SMG6: variants seen among roughly 807,000 people sequenced by gnomAD.
SMG6 encodes the protein SMG6 nonsense mediated mRNA decay factor, also known as telomerase-binding protein EST1A.
In SMG6, 66 loss-of-function variants were observed where a neutral mutation model predicts 142.2. The observed-to-expected ratio is 0.46, with a 90% CI of 0.38 to 0.57. SMG6 has a LOEUF of 0.57. Among genes scored for constraint, SMG6 ranks in the 20% least tolerant of loss-of-function variants. The pLI is 0.00. For synonymous variants in SMG6, 779 were observed against 702.4 expected (o/e 1.11, Z -1.72); for missense variants, 1,793 against 1,832.0 (o/e 0.98, Z 0.39).
rs145529862 is a variant in SMG6 at position 2,090,540 on chromosome 17, G to A, written c.3358-4639C>T. Among the ~76,000 whole-genome samples the A allele has an allele frequency of 4.5e-3, 683 of 152,314 alleles. 3 individuals are homozygous for A. Among genetic ancestry groups the A allele is most frequent in the Non-Finnish European group, 7.2e-3 (493 of 68,028 alleles). ...TAGGGAGTGAGGGACTCGCTCTATCGTTACCTGGTCCCCGTTTTCTCCAAA... is the reference window on the plus strand; with the variant it reads ...TAGGGAGTGAGGGACTCGCTCTATCATTACCTGGTCCCCGTTTTCTCCAAA... On this transcript the variant is annotated intron_variant, in intron 13 of 18. Coordinates refer to ENST00000263073, the MANE Select transcript of SMG6 (RefSeq NM_017575.5).
In SMG6 at chr17:2,299,184, C is replaced by T. The variant is rs147802850; in HGVS notation, c.1569G>A (p.Thr523=). Residue 523 remains threonine (T), a synonymous_variant, in exon 2 of 19, where the codon ACG becomes ACA. Coordinates refer to ENST00000263073, the MANE Select transcript of SMG6 (RefSeq NM_017575.5). This position sits in a 1 kb window ranked among gnomAD's most constrained non-coding sequence, Gnocchi z 4.3. ...TPGPASQYPY[T]GYNPLQYPVG... is the part of the protein sequence containing the mutation. ...CTGGGTACTGTAGAGGGTTATAGCC[C>T]GTATAGGGATACTGGGAGGCAGGGC... 997 of 1,613,130 alleles carry T rather than the reference C, an allele frequency of 6.2e-4. 2 individuals are homozygous for T. Among genetic ancestry groups the T allele is most frequent in the Non-Finnish European group, 7.4e-4 (877 of 1,179,550 alleles).
intron 10 of SMG6, among the ~76,000 whole-genome samples, chr17:2,234,559 G>A (rs929510889): frequency 2.6e-5 from 4 of 152,176 alleles, no homozygotes; most frequent in South Asian, 2.1e-4. Context: ...CACCGCACCC[G>A]GCCTACCATT....
intron 14 of SMG6, chr17:2,082,230 C>A (rs1567582837): frequency 5.0e-6 from 2 of 403,586 alleles, no homozygotes; most frequent in Non-Finnish European, 9.1e-6. Flanking sequence ...TATATACCTG[C>A]GTGCTTTACT....
At chr17:2,175,239 A>G (rs1340027409) in intron 12 of SMG6, among the ~76,000 whole-genome samples, 1 of 152,206 alleles carries the variant, frequency 6.6e-6, no homozygotes, top group Non-Finnish European at 1.5e-5. Flanking sequence ...GACGACAGTG[A>G]GAAGGAAGAA....
At chr17:2,160,550 C>G (rs1011152862) in intron 13 of SMG6, among the ~76,000 whole-genome samples, 2 of 152,280 alleles carry the variant, frequency 1.3e-5, no homozygotes, top group African/African-American at 4.8e-5. Flanking sequence ...AAATTATGGG[C>G]TGGGTACAGT....
intron 13 of SMG6, among the ~76,000 whole-genome samples, chr17:2,161,022 A>G (rs562712560): frequency 8.5e-5 from 13 of 152,088 alleles, no homozygotes; most frequent in African/African-American, 2.7e-4. Context: ...ATATTTATTA[A>G]GTCTTGAGAC....
chr17:2,289,844 C>T (rs555531121), intron 6 of SMG6, among the ~76,000 whole-genome samples: 3 of 151,252 alleles, frequency 2.0e-5, no homozygotes, highest in South Asian at 4.2e-4. Flanking sequence ...ACCCAGGAGG[C>T]GGAGGTTACA....
chr17:2,103,016 T>C (rs1362157826), intron 13 of SMG6, among the ~76,000 whole-genome samples: 1 of 152,244 alleles, frequency 6.6e-6, no homozygotes, highest in African/African-American at 2.4e-5. Context: ...ATGTCCCACC[T>C]TTTCTTTATC....
Position 2,297,953 on chromosome 17 carries a change from C to T in SMG6, c.1950G>A (p.Gln650=), listed in dbSNP as rs2075180450. The T allele has an allele frequency of 6.2e-7, 1 of 1,613,318 alleles. No individual in the cohort carries two copies. Among genetic ancestry groups the T allele is most frequent in the Non-Finnish European group, 8.5e-7 (1 of 1,180,014 alleles). Residue 650 remains glutamine (Q), a synonymous_variant, in exon 3 of 19, where the codon CAG becomes CAA. Coordinates refer to ENST00000263073, the MANE Select transcript of SMG6 (RefSeq NM_017575.5). The part of the protein sequence containing the change: ...DQILWKNAFY[Q]VIEKFRQLVK... Reference sequence around the variant, plus strand: ...CAAGTTGCCTGAACTTCTCAATCACCTGATAGAAAGCATTCTTCCACAGGA... The same window carrying T: ...CAAGTTGCCTGAACTTCTCAATCACTTGATAGAAAGCATTCTTCCACAGGA...
Position 2,300,262 on chromosome 17 carries a change from T to A in SMG6, c.491A>T (p.Glu164Val). 6.2e-7 allele frequency: 1 copy of A among 1,614,138 alleles called. No individual in the cohort carries two copies. The highest frequency in any genetic ancestry group is 1.1e-5 in the South Asian group (1 of 91,080). The change falls in exon 2 of 19, where the codon GAG becomes GTG. Residue 164 changes from glutamate to valine, a missense_variant. By Grantham distance (121) the Glu-to-Val change is moderately radical. Transcript: ENST00000263073. ...TACCTGGTTGAGGACTTCTTCCTCC[T>A]CCACCCGACTGGCGGATTCTTTGCT... is the stretch of plus-strand genomic sequence containing the variant. ...TVSKESASRV[E>V]EEEVLNQVEQ...
At chr17:2,078,664 G>A (rs1013267778) in intron 15 of SMG6, among the ~76,000 whole-genome samples, 8 of 152,108 alleles carry the variant, frequency 5.3e-5, no homozygotes, top group African/African-American at 1.7e-4. Flanking sequence ...AAGCCACTGC[G>A]CCCAGCCACT....
chr17:2,069,344 T>C (rs2068034742), intron 15 of SMG6, among the ~76,000 whole-genome samples: 1 of 152,060 alleles, frequency 6.6e-6, no homozygotes, highest in Admixed American at 6.6e-5. Flanking sequence ...ACAGAATCTG[T>C]TATTTTGACT....
intron 8 of SMG6, among the ~76,000 whole-genome samples, chr17:2,278,104 T>C (rs1483638475): frequency 1.3e-5 from 2 of 152,152 alleles, no homozygotes; most frequent in Non-Finnish European, 2.9e-5. Flanking sequence ...CATACACGTA[T>C]ACACTTATAA....
chr17:2,270,270 A>C (rs1404206760), intron 8 of SMG6, among the ~76,000 whole-genome samples: 1 of 152,210 alleles, frequency 6.6e-6, no homozygotes, highest in East Asian at 1.9e-4. Context: ...GCAAGAGAAG[A>C]AAAATAATCA....
At chr17:2,197,446 G>A (rs1463204467) in intron 10 of SMG6, among the ~76,000 whole-genome samples, 2 of 151,810 alleles carry the variant, frequency 1.3e-5, no homozygotes, top group Non-Finnish European at 2.9e-5. Flanking sequence ...TTTGCCTGTA[G>A]TCCCAGCTAC....
rs1318310196 is a variant in SMG6, at chr17:2,297,895, T to G, written c.2008A>C (p.Ile670Leu). ...AAGAGCTCCAAAAGTCTGTTCCGAA[T>G]CTGTTCTGGGTTCTCAACATTCGGA... Reference protein sequence around the residue: ...KDPNVENPEQIRNRLLELLDE... With the variant: ...KDPNVENPEQLRNRLLELLDE... Residue 670 changes from isoleucine (I) to leucine (L), a missense_variant, in exon 3 of 19, where the codon ATT (isoleucine) becomes CTT (leucine). Around this residue, in one of 3 missense-constraint regions of SMG6, gnomAD observed 1,597 missense variants for 1,584.6 expected, o/e 1.01. Coordinates refer to ENST00000263073, the MANE Select transcript of SMG6 (RefSeq NM_017575.5). The G allele has an allele frequency of 6.2e-7, 1 of 1,612,216 alleles. No homozygotes were observed. The highest frequency in any genetic ancestry group is 8.5e-7 in the Non-Finnish European group (1 of 1,180,024).
intron 13 of SMG6, among the ~76,000 whole-genome samples, chr17:2,151,364 A>C (rs1234563437): frequency 6.6e-6 from 1 of 152,256 alleles, no homozygotes; most frequent in East Asian, 1.9e-4. Context: ...TCATGAGCAG[A>C]AAAAGAAAGT....
At chr17:2,102,365 T>C (rs1173844713) in intron 13 of SMG6, among the ~76,000 whole-genome samples, 2 of 152,040 alleles carry the variant, frequency 1.3e-5, no homozygotes, top group Non-Finnish European at 2.9e-5. Context: ...AAAGGAATTT[T>C]TTTTTCTTTT....
chr17:2,293,043 G>A, intron 4 of SMG6, 66 bp from the exon 5 acceptor site: 1 of 1,130,732 alleles, frequency 8.8e-7, no homozygotes. Context: ...CAAAGGACAG[G>A]GATGGGGTGA....
Sources: gnomAD v4.1 joint callset for allele counts (sites outside exome capture counted in the v4.1 genomes callset) on GRCh38, gnomAD v4.1.1 for gene constraint, gnomAD v4.1.1 regional missense constraint, Gnocchi (gnomAD v3.1) non-coding constraint, MANE v1.5 for transcripts, NCBI Gene and HGNC (gene_info 2026-07-23, HGNC 2026-07-21) for gene names.